The following RMDN3 variants were observed in gnomAD, a reference collection of about 807,000 sequenced individuals.
The protein encoded by RMDN3 is regulator of microtubule dynamics 3, also known as regulator of microtubule dynamics protein 3.
A neutral mutation model predicts 61.8 loss-of-function variants in RMDN3; 41 were observed. That is an observed-to-expected ratio of 0.66 (90% CI 0.52 to 0.86). The LOEUF is 0.86. RMDN3 is among the 40% of genes least tolerant of loss of function. The probability of loss-of-function intolerance (pLI) is 0.00; values close to 1 mark genes in which losing one functional copy is unlikely to be tolerated. For synonymous variants in RMDN3, 247 were observed against 232.0 expected, an observed-to-expected ratio of 1.06 and a Z score of -0.59; for missense variants, 557 against 585.3, an observed-to-expected ratio of 0.95 and a Z score of 0.50.
chr15:40,754,940 G>C, intron 1 of RMDN3, 143 bp downstream of exon 1: 1 of 640,978 alleles, frequency 1.6e-6, no homozygotes, highest in Non-Finnish European at 2.7e-6. Context: ...TCGACTACGT[G>C]CACCCCAGTC....
At chr15:40,749,084 A>G (rs576876570) in intron 4 of RMDN3, among the ~76,000 whole-genome samples, 3 of 152,016 alleles carry the variant, frequency 2.0e-5, no homozygotes, top group Non-Finnish European at 2.9e-5. Flanking sequence ...TTGTATTTTT[A>G]GTAGAGACGA....
chr15:40,746,444 G>C (rs888982793), intron 4 of RMDN3, among the ~76,000 whole-genome samples: 7 of 151,144 alleles, frequency 4.6e-5, no homozygotes, highest in African/African-American at 1.7e-4. Context: ...GTGAACCCGG[G>C]AGGCAGAGCT....
intron 7 of RMDN3, among the ~76,000 whole-genome samples, chr15:40,739,931 C>T (rs1023475534): frequency 6.6e-6 from 1 of 152,156 alleles, no homozygotes; most frequent in African/African-American, 2.4e-5. Flanking sequence ...CCCCGCTTGC[C>T]TCATCCCTAA....
intron 4 of RMDN3, among the ~76,000 whole-genome samples, chr15:40,750,940 C>T (rs1438943533): frequency 1.3e-5 from 2 of 152,212 alleles, no homozygotes; most frequent in Non-Finnish European, 2.9e-5. Flanking sequence ...CCAGCTGCCC[C>T]GCCTCACAGA....
chr15:40,753,810 T>G (rs1204959202), intron 2 of RMDN3, among the ~76,000 whole-genome samples: 1 of 152,220 alleles, frequency 6.6e-6, no homozygotes, highest in African/African-American at 2.4e-5. Flanking sequence ...CTTGGTTTCC[T>G]CATAGGAGGG....
chr15:40,736,294 C>A lies in RMDN3; in HGVS notation c.*247G>T. ...GTGTAATCCTGGGGCAGGTGTGAAT[C>A]TTGATTTTTTTAAGAGATTACTCAA... On this transcript the variant is annotated 3_prime_UTR_variant, in exon 13 of 13. Coordinates refer to ENST00000338376, the MANE Select transcript of RMDN3 (RefSeq NM_018145.3). The A allele has an allele frequency of 2.2e-6, 1 of 460,116 alleles. No individual in the cohort carries two copies. The highest frequency in any genetic ancestry group is 3.8e-6 in the Non-Finnish European group (1 of 262,092). 28.5% of individuals were successfully genotyped at this position (460,116 alleles called of 1,614,324 possible). A position where few individuals can be genotyped will look rare whatever the true frequency, so the allele number is the denominator to read the frequency against.
chr15:40,736,661 C>T (rs964888613), intron 12 of RMDN3, 67 bp from the exon 13 acceptor site: 3 of 1,412,962 alleles, frequency 2.1e-6, no homozygotes, highest in African/African-American at 2.8e-5. Context: ...CCAGTGGAAC[C>T]TAAGAAGAGG....
At position 40,735,913 on chromosome 15, in the gene RMDN3, TTTGTAACAAAA is replaced by T. The variant is rs2141894581; in HGVS notation, c.*617_*627del. On this transcript the variant is annotated 3_prime_UTR_variant, in exon 13 of 13. Coordinates refer to ENST00000338376, the MANE Select transcript of RMDN3 (RefSeq NM_018145.3). The stretch of plus-strand genomic sequence containing the variant: ...AACATCAAATTTGGTTTATTTCAAG[TTTGTAACAAAA>T]TATATTCTAGGCAACTTTTCAGACA... 1 of 152,292 alleles carries T rather than the reference TTTGTAACAAAA, an allele frequency of 6.6e-6. No homozygotes were observed. Among genetic ancestry groups the T allele is most frequent in the South Asian group, 2.1e-4 (1 of 4,822 alleles). 9.4% of individuals were successfully genotyped at this position (152,292 alleles called of 1,614,324 possible).
chr15:40,739,285 G>A (rs1897188552), intron 7 of RMDN3: 1 of 152,026 alleles, frequency 6.6e-6, no homozygotes, highest in African/African-American at 2.4e-5. Flanking sequence ...GCTTTTTCAT[G>A]TATATGCTAA....
At chr15:40,752,287 G>C in intron 2 of RMDN3, 109 bp from the exon 3 acceptor site, 1 of 1,120,630 alleles carries the variant, frequency 8.9e-7, no homozygotes, top group Non-Finnish European at 1.3e-6. Flanking sequence ...AGAAGGCCCA[G>C]TGACGCTCAG....
rs1472837522 is a variant in RMDN3 at position 40,738,558 on chromosome 15, A to G, written c.990T>C (p.Gly330=). The change falls in exon 8 of 13, where the codon GGT becomes GGC. Residue 330 remains glycine, a synonymous_variant. Coordinates refer to ENST00000338376, the MANE Select transcript of RMDN3 (RefSeq NM_018145.3). The part of the protein sequence containing the change: ...DCHLWYAVLC[G]QLAEHESIQR... Reference sequence around the variant, plus strand: ...GGATGCTCTCATGCTCAGCCAGCTGACCACAAAGCACCGCATACCTAGGGG... The same window carrying G: ...GGATGCTCTCATGCTCAGCCAGCTGGCCACAAAGCACCGCATACCTAGGGG... 1.2e-6 allele frequency: 2 copies of G among 1,614,032 alleles called. No homozygotes were observed. The highest frequency in any genetic ancestry group is 2.2e-5 in the East Asian group (1 of 44,866).
At chr15:40,752,203 C>T in intron 2 of RMDN3, 25 bp from the exon 3 acceptor site, 2 of 1,603,928 alleles carry the variant, frequency 1.2e-6, no homozygotes, top group Non-Finnish European at 1.7e-6. Context: ...GAATGGGAGC[C>T]AGTGACACAC....
Position 40,745,279 on chromosome 15 carries a change from G to A in RMDN3, c.525-20C>T. 6.2e-7 allele frequency: 1 copy of A among 1,610,120 alleles called. No homozygotes were observed. The highest frequency in any genetic ancestry group is 8.5e-7 in the Non-Finnish European group (1 of 1,178,794). On this transcript the variant is annotated intron_variant, in intron 4 of 12. Coordinates refer to ENST00000338376, the MANE Select transcript of RMDN3 (RefSeq NM_018145.3). ...GTGTAACTGGCAGAGAAATGTAAGG[G>A]ACAACAAGAGGATTATTCAGCTCAG...
intron 6 of RMDN3, among the ~76,000 whole-genome samples, chr15:40,740,413 A>AGGCGGGTAGAGCGCCTGAGGTCAGG (rs1356958779): frequency 1.2e-4 from 19 of 152,234 alleles, no homozygotes; most frequent in Admixed American, 1.1e-3. Flanking sequence ...TGGGAGGCTG[A>AGGCGGGTAGAGCGCCTGAGGTCAGG]GGCGGGTAGA....
In RMDN3 at chr15:40,737,765, A is replaced by G. The variant is rs753158808; in HGVS notation, c.1126-39T>C. 7.5e-6 allele frequency: 12 copies of G among 1,596,192 alleles called. No homozygotes were observed. The African/African-American group carries it at 1.4e-4, about 18-fold the overall frequency. ...ATCAAGGTGTGTATAAGAGGTTTTA[A>G]AAGGTTTTTTTTCTTTAAATCTTTG... On this transcript the variant is annotated intron_variant, in intron 9 of 12. Transcript: ENST00000338376.
intron 7 of RMDN3, chr15:40,739,483 C>T (rs1041036381): frequency 2.0e-5 from 3 of 152,306 alleles, no homozygotes; most frequent in African/African-American, 7.2e-5. Flanking sequence ...GAAACACAGC[C>T]TCTCACTTAG....
In RMDN3 at chr15:40,744,317, C is replaced by T. The variant is rs1273938095; in HGVS notation, c.808-168G>A. 81 of 616,088 alleles carry T rather than the reference C, an allele frequency of 1.3e-4. 1 individual carries two copies. The highest frequency in any genetic ancestry group is 7.2e-4 in the South Asian group (39 of 54,386). 38.2% of individuals were successfully genotyped at this position (616,088 alleles called of 1,614,324 possible). ...CCTTCCCCCCAGTCATCCCTTCCCA[C>T]GTGCAGTTAATGTATGACACATTCT... On this transcript the variant is annotated intron_variant, in intron 5 of 12. Transcript: ENST00000338376.
intron 6 of RMDN3, among the ~76,000 whole-genome samples, chr15:40,743,688 C>T (rs1897370871): frequency 6.6e-6 from 1 of 152,166 alleles, no homozygotes; most frequent in Admixed American, 6.6e-5. Context: ...ACCTGCCCCA[C>T]CAGCTCAGAA....
chr15:40,744,184 T>C (rs1434260482), intron 5 of RMDN3, 35 bp from the exon 6 acceptor site: 3 of 1,598,486 alleles, frequency 1.9e-6, no homozygotes, highest in East Asian at 2.2e-5. Flanking sequence ...AGGCCCCTTT[T>C]TCCTCAACTG....
Sources: allele counts gnomAD v4.1 joint callset (sites outside exome capture counted in the v4.1 genomes callset), GRCh38; gene constraint gnomAD v4.1.1; transcripts MANE v1.5; gene names NCBI Gene and HGNC (gene_info 2026-07-23, HGNC 2026-07-21).